DNM3: variants seen among roughly 807,000 people sequenced by gnomAD.
DNM3 encodes the protein dynamin-3.
A neutral mutation model predicts 101.6 loss-of-function variants in DNM3; 47 were observed. The ratio of observed to expected loss-of-function variants is 0.46; its 90% CI spans 0.37 to 0.59. DNM3 has a LOEUF of 0.59. Ranked by LOEUF, DNM3 falls within the 20% of genes least tolerant of loss-of-function variation. DNM3 has a pLI of 0.00. For missense variants in DNM3, 849 were observed against 1,085.7 expected, an observed-to-expected ratio of 0.78 and a Z score of 3.06; for synonymous variants, 385 against 387.9, an observed-to-expected ratio of 0.99 and a Z score of 0.09.
At chr1:172,317,502 A>T (rs914205032) in intron 16 of DNM3, among the ~76,000 whole-genome samples, 1 of 152,190 alleles carries the variant, frequency 6.6e-6, no homozygotes, top group Non-Finnish European at 1.5e-5. Flanking sequence ...CAAGACTAAT[A>T]AAGAAAAAAA....
chr1:171,904,499 G>A (rs1417474456), intron 1 of DNM3, among the ~76,000 whole-genome samples: 1 of 152,102 alleles, frequency 6.6e-6, no homozygotes, highest in Non-Finnish European at 1.5e-5. Flanking sequence ...TCATGGCCCA[G>A]GCTTTTAGGA....
intron 14 of DNM3, among the ~76,000 whole-genome samples, chr1:172,238,342 TG>T (rs1394442242): frequency 1.3e-5 from 2 of 152,142 alleles, no homozygotes; most frequent in Non-Finnish European, 2.9e-5. Flanking sequence ...AGCTACCCAC[TG>T]GGATGACTTA....
chr1:172,391,178 T>C (rs1266045550), intron 20 of DNM3, among the ~76,000 whole-genome samples: 5 of 152,232 alleles, frequency 3.3e-5, no homozygotes, highest in African/African-American at 7.2e-5. Context: ...TACTCTCAAG[T>C]TAGAACCAGA....
chr1:172,150,237 C>T (rs1427909615), intron 14 of DNM3, among the ~76,000 whole-genome samples: 1 of 152,090 alleles, frequency 6.6e-6, no homozygotes, highest in Admixed American at 6.6e-5. Context: ...TTCATGCCAT[C>T]ATGGAAATTG....
Position 172,408,344 on chromosome 1 carries a change from T to A in DNM3, c.*503T>A, listed in dbSNP as rs2071035342. 1.0e-6 allele frequency: 1 copy of A among 986,718 alleles called. No homozygotes were observed. The highest frequency in any genetic ancestry group is 1.7e-5 in the African/African-American group (1 of 57,356). The allele number at this position is 986,718 out of a possible 1,614,324, so 61.1% of individuals were successfully genotyped here. ...TCCTCTTTTCTTCCTTTTTATTTCA[T>A]AAGACTGCTAGGAAGTGATTTTTTA... On this transcript the variant is annotated 3_prime_UTR_variant, in exon 21 of 21. Transcript: ENST00000627582.
chr1:172,095,213 A>G (rs1469350531), intron 13 of DNM3, among the ~76,000 whole-genome samples: 1 of 152,176 alleles, frequency 6.6e-6, no homozygotes, highest in African/African-American at 2.4e-5. Flanking sequence ...ATTACCCTAC[A>G]TTTTGTGGAG....
intron 10 of DNM3, among the ~76,000 whole-genome samples, chr1:172,057,237 C>T (rs965634179): frequency 1.8e-4 from 28 of 152,254 alleles, no homozygotes; most frequent in Admixed American, 1.0e-3. Flanking sequence ...CTGAAAGTGA[C>T]GGGGAGAATG....
chr1:172,289,171 A>G (rs1016124201), intron 15 of DNM3, among the ~76,000 whole-genome samples: 1 of 152,150 alleles, frequency 6.6e-6, no homozygotes, highest in Non-Finnish European at 1.5e-5. Flanking sequence ...GATTTAAAAT[A>G]TGTATTAGAC....
At chr1:172,318,685 G>A (rs1208920959) in intron 16 of DNM3, among the ~76,000 whole-genome samples, 3 of 152,284 alleles carry the variant, frequency 2.0e-5, no homozygotes, top group East Asian at 3.9e-4. Context: ...TACAAGGGAC[G>A]TGAAGGACCT....
chr1:172,244,416 C>T (rs1459649379), intron 14 of DNM3, among the ~76,000 whole-genome samples: 1 of 151,858 alleles, frequency 6.6e-6, no homozygotes, highest in East Asian at 1.9e-4. Context: ...AGTGAACAGG[C>T]AACCTACAAA....
At chr1:172,365,148 G>A (rs551685227) in intron 17 of DNM3, among the ~76,000 whole-genome samples, 25 of 151,948 alleles carry the variant, frequency 1.6e-4, no homozygotes, top group African/African-American at 5.8e-4. Context: ...AATACTAAAT[G>A]TATAATAATG....
At chr1:172,091,511 G>A (rs2053906608) in intron 12 of DNM3, among the ~76,000 whole-genome samples, 1 of 152,214 alleles carries the variant, frequency 6.6e-6, no homozygotes, top group African/African-American at 2.4e-5. Context: ...GATGAAAGCG[G>A]GAAGTACATC....
At chr1:172,152,058 A>AT (rs984834798) in intron 14 of DNM3, among the ~76,000 whole-genome samples, 7 of 151,732 alleles carry the variant, frequency 4.6e-5, no homozygotes, top group African/African-American at 1.7e-4. Flanking sequence ...TAATTTTTTT[A>AT]TTTTTTTGTA....
intron 2 of DNM3, among the ~76,000 whole-genome samples, chr1:171,973,704 C>G (rs1027768344): frequency 3.8e-4 from 57 of 151,190 alleles, no homozygotes; most frequent in Admixed American, 1.1e-3. Context: ...CAAGATCTCC[C>G]TCTGTCACCC....
intron 13 of DNM3, among the ~76,000 whole-genome samples, chr1:172,106,892 C>T (rs1478114413): frequency 6.5e-5 from 7 of 107,288 alleles, no homozygotes; most frequent in African/African-American, 3.0e-4. Flanking sequence ...CTCGCTCTGT[C>T]GCCCAGGCCG....
chr1:172,082,024 C>T (rs1558539594), intron 12 of DNM3, 122 bp downstream of exon 12: 2 of 1,009,392 alleles, frequency 2.0e-6, no homozygotes, highest in Non-Finnish European at 3.0e-6. Flanking sequence ...GATTAACTCT[C>T]AGTGTGCCTA....
chr1:172,003,795 G>A (rs2046499882), intron 4 of DNM3, among the ~76,000 whole-genome samples: 1 of 151,944 alleles, frequency 6.6e-6, no homozygotes, highest in Admixed American at 6.6e-5. Context: ...AGGAAGAACT[G>A]GGGTGGGGGT....
chr1:171,900,735 T>C (rs950957572), intron 1 of DNM3, among the ~76,000 whole-genome samples: 3 of 151,988 alleles, frequency 2.0e-5, no homozygotes, highest in Non-Finnish European at 4.4e-5. Context: ...AGATGATGGT[T>C]TACTTGTCTT....
chr1:171,976,998 C>T (rs1425842361), intron 2 of DNM3, among the ~76,000 whole-genome samples: 2 of 152,092 alleles, frequency 1.3e-5, no homozygotes, highest in African/African-American at 4.8e-5. Context: ...GACAAAGTCT[C>T]ATCATTTTGC....
Sources: allele counts gnomAD v4.1 joint callset (sites outside exome capture counted in the v4.1 genomes callset), GRCh38; gene constraint gnomAD v4.1.1; transcripts MANE v1.5; gene names NCBI Gene and HGNC (gene_info 2026-07-23, HGNC 2026-07-21).